Variants in PARD3B observed in about 807,000 individuals in gnomAD.
PARD3B encodes the protein par-3 family cell polarity regulator beta, also known as partitioning defective 3 homolog B.
PARD3B carries 103 observed loss-of-function variants against 130.2 expected under a neutral mutation model. That is an observed-to-expected ratio of 0.79 (90% CI 0.67 to 0.93). The LOEUF (loss-of-function observed/expected upper bound fraction) is 0.93. PARD3B is among the 40% of genes least tolerant of loss of function. PARD3B has a pLI of 0.00. For synonymous variants in PARD3B, 583 were observed against 553.2 expected, an observed-to-expected ratio of 1.05 and a Z score of -0.76; for missense variants, 1,609 against 1,499.2, an observed-to-expected ratio of 1.07 and a Z score of -1.21.
chr2:205,028,969 A>C (rs962093418), intron 3 of PARD3B, among the ~76,000 whole-genome samples: 5 of 152,138 alleles, frequency 3.3e-5, no homozygotes, highest in Admixed American at 3.3e-4. Flanking sequence ...AATAGATTGT[A>C]ATCTGGTAGA....
At chr2:205,221,324 G>A (rs1400075021) in intron 15 of PARD3B, among the ~76,000 whole-genome samples, 1 of 152,162 alleles carries the variant, frequency 6.6e-6, no homozygotes, top group African/African-American at 2.4e-5. Flanking sequence ...GGTGCCCGAT[G>A]TACCACCGGC....
At chr2:204,748,368 G>C (rs1372901643) in intron 2 of PARD3B, among the ~76,000 whole-genome samples, 1 of 152,010 alleles carries the variant, frequency 6.6e-6, no homozygotes, top group Non-Finnish European at 1.5e-5. Flanking sequence ...CTGGATTAGG[G>C]CTCATATCCA....
intron 16 of PARD3B, among the ~76,000 whole-genome samples, chr2:205,246,108 G>A (rs2039560460): frequency 6.6e-6 from 1 of 152,082 alleles, no homozygotes; most frequent in Non-Finnish European, 1.5e-5. Flanking sequence ...TAAAAAAATT[G>A]CAAGAAAACC....
At chr2:205,211,720 A>T (rs1206853934) in intron 15 of PARD3B, among the ~76,000 whole-genome samples, 1 of 152,102 alleles carries the variant, frequency 6.6e-6, no homozygotes. Flanking sequence ...AGTGAAAATT[A>T]AAATAGAGAT....
chr2:204,787,216 A>T (rs1215743785), intron 2 of PARD3B, among the ~76,000 whole-genome samples: 1 of 133,818 alleles, frequency 7.5e-6, no homozygotes, highest in Non-Finnish European at 1.6e-5. Flanking sequence ...GGCATGTTTG[A>T]CTTGCTGCCC....
At chr2:205,020,966 AGAACAGTT>A (rs1696550757) in intron 3 of PARD3B, among the ~76,000 whole-genome samples, 1 of 152,180 alleles carries the variant, frequency 6.6e-6, no homozygotes, top group South Asian at 2.1e-4. Context: ...CAGAGACCCA[AGAACAGTT>A]GAACTGGAAA....
chr2:205,248,380 TTGGTGG>T lies in PARD3B; in HGVS notation c.2185+2589_2185+2594del, dbSNP rs751935440. On this transcript the variant is annotated intron_variant, in intron 16 of 22. Transcript: ENST00000406610. ...ACGTGAAGGGATATCTCATTGGGATTTGGTGGTGGTGGTGGTGGTGGTGGTGGTGGT... is the reference window on the plus strand; with the variant it reads ...ACGTGAAGGGATATCTCATTGGGATTTGGTGGTGGTGGTGGTGGTGGTGGT... 2.0e-3 allele frequency among the ~76,000 whole-genome samples: 288 copies of T among 145,356 alleles called. 2 individuals carry two copies. Among genetic ancestry groups the T allele is most frequent in the African/African-American group, 7.1e-3 (262 of 37,096 alleles).
At chr2:205,546,195 G>A (rs969114187) in intron 21 of PARD3B, among the ~76,000 whole-genome samples, 3 of 152,146 alleles carry the variant, frequency 2.0e-5, no homozygotes, top group Non-Finnish European at 2.9e-5. Context: ...GGGTCACCAC[G>A]TGCAAGGCGC....
At chr2:204,973,520 C>A (rs1235456320) in intron 3 of PARD3B, among the ~76,000 whole-genome samples, 1 of 147,050 alleles carries the variant, frequency 6.8e-6, no homozygotes, top group African/African-American at 2.5e-5. Flanking sequence ...TTTTTTCTCT[C>A]TGAGTGTGTA....
At chr2:205,614,599 G>A (rs190862238) in intron 22 of PARD3B, among the ~76,000 whole-genome samples, 80 of 151,982 alleles carry the variant, frequency 5.3e-4, no homozygotes, top group Middle Eastern at 3.4e-3. Context: ...CCATCTACTC[G>A]GTAGGCTGAG....
intron 2 of PARD3B, among the ~76,000 whole-genome samples, chr2:204,953,680 A>G (rs961723472): frequency 6.6e-6 from 1 of 152,156 alleles, no homozygotes; most frequent in African/African-American, 2.4e-5. Context: ...GTCTGGGAGT[A>G]TTAGATTGAG....
intron 21 of PARD3B, among the ~76,000 whole-genome samples, chr2:205,523,879 C>A (rs1276711411): frequency 2.8e-5 from 4 of 143,812 alleles, no homozygotes; most frequent in African/African-American, 7.8e-5. Flanking sequence ...TTTTTAAATC[C>A]TTAAAATCTG....
At chr2:205,317,941 C>T (rs568610726) in intron 18 of PARD3B, among the ~76,000 whole-genome samples, 1 of 152,168 alleles carries the variant, frequency 6.6e-6, no homozygotes, top group Admixed American at 6.5e-5. Context: ...AGAAATGTCT[C>T]AGCAGAGAAT....
rs1459576524 is a variant in PARD3B at position 204,726,510 on chromosome 2, G to A, written c.222+40228G>A. Among the ~76,000 whole-genome samples the A allele has an allele frequency of 2.0e-5, 3 of 152,256 alleles. No homozygotes were observed. In the East Asian group the frequency reaches 5.8e-4, roughly 29 times the overall value. ...CTCCCTCAATGTTGGCGTCAAGGGT[G>A]ATTCTGAAACCTCAAAGCCCCAGTG... On this transcript the variant is annotated intron_variant, in intron 2 of 22. Coordinates refer to ENST00000406610, the MANE Select transcript of PARD3B (RefSeq NM_001302769.2).
intron 19 of PARD3B, among the ~76,000 whole-genome samples, chr2:205,404,873 T>G (rs746738726): frequency 2.0e-5 from 3 of 152,174 alleles, no homozygotes; most frequent in Non-Finnish European, 4.4e-5. Context: ...ACAAATGTCT[T>G]TATAAGTTAC....
At chr2:205,115,807 G>A (rs1703981657) in intron 6 of PARD3B, among the ~76,000 whole-genome samples, 1 of 152,152 alleles carries the variant, frequency 6.6e-6, no homozygotes, top group Non-Finnish European at 1.5e-5. Context: ...CTTCGTTAAG[G>A]TCATAGTGGT....
intron 20 of PARD3B, among the ~76,000 whole-genome samples, chr2:205,484,888 G>A (rs1329996199): frequency 6.6e-6 from 1 of 152,202 alleles, no homozygotes; most frequent in Non-Finnish European, 1.5e-5. Flanking sequence ...CTGAGAGCTG[G>A]AGGAAGGGCA....
At chr2:205,133,790 A>G (rs976778165) in intron 10 of PARD3B, among the ~76,000 whole-genome samples, 1 of 152,202 alleles carries the variant, frequency 6.6e-6, no homozygotes, top group African/African-American at 2.4e-5. Context: ...GGCAAACTCA[A>G]TTGTACTTGA....
chr2:204,888,977 A>T (rs2046357567), intron 2 of PARD3B, among the ~76,000 whole-genome samples: 1 of 152,188 alleles, frequency 6.6e-6, no homozygotes. Flanking sequence ...CCAAGGCCAG[A>T]TGAGGAATAT....
Sources: allele counts gnomAD v4.1 joint callset (sites outside exome capture counted in the v4.1 genomes callset), GRCh38; gene constraint gnomAD v4.1.1; transcripts MANE v1.5; gene names NCBI Gene and HGNC (gene_info 2026-07-23, HGNC 2026-07-21).